The following KIF20B variants were observed in gnomAD, a reference collection of about 807,000 sequenced individuals.
KIF20B encodes the protein kinesin family member 20B.
Under a neutral mutation model 232.5 loss-of-function variants are expected in KIF20B, and 188 were observed. That is an observed-to-expected ratio of 0.81 (90% CI 0.72 to 0.91). KIF20B has a LOEUF of 0.91. KIF20B is among the 40% of genes least tolerant of loss of function. The pLI is 0.00. For missense variants in KIF20B, 2,154 were observed against 2,055.9 expected, an observed-to-expected ratio of 1.05 and a Z score of -0.92; for synonymous variants, 712 against 683.0, an observed-to-expected ratio of 1.04 and a Z score of -0.66.
intron 18 of KIF20B, among the ~76,000 whole-genome samples, chr10:89,731,142 G>A (rs2026553): frequency 0.17 from 25,795 of 152,142 alleles, 2,605 homozygotes; most frequent in Non-Finnish European, 0.23. Context: ...TGGATTTTAA[G>A]TCTGTTCTTT....
In KIF20B at chr10:89,758,881, T is replaced by C. The variant is rs34785987; in HGVS notation, c.4679T>C (p.Ile1560Thr). 0.011 allele frequency: 16,761 copies of C among 1,505,656 alleles called. 748 individuals carry two copies. In the African/African-American group the frequency reaches 0.14, roughly 13 times the overall value. 93.3% of individuals were successfully genotyped at this position (1,505,656 alleles called of 1,614,324 possible). A position where few individuals can be genotyped will look rare whatever the true frequency, so the allele number is the denominator to read the frequency against. Residue 1560 changes from isoleucine to threonine, a missense_variant and splice_region_variant, in exon 27 of 33, where the codon ATA becomes ACA. Physicochemically the swap from Ile to Thr is moderately conservative, Grantham distance 89. Transcript: ENST00000371728. ...AGGATCATATCAGAGACTTCTAAAA[T>C]AGTCAGTAGTCTTTTTTGCTATGCC... ...LKRIISETSK[I>T]ETQIMDIKPK...
At position 89,705,310 on chromosome 10, in the gene KIF20B, A is replaced by G. The variant is rs768060728; in HGVS notation, c.16A>G (p.Asn6Asp). The change falls in exon 2 of 33, where the codon AAT becomes GAT. Residue 6 changes from asparagine to aspartate, a missense_variant. Coordinates refer to ENST00000371728, the MANE Select transcript of KIF20B (RefSeq NM_001284259.2). MESNFNQEGVPRPSYV... is the reference protein window; with the variant it reads MESNFDQEGVPRPSYV... ...TTCTTGCAGAATGGAATCTAATTTT[A>G]ATCAAGAGGGAGTACCTCGACCATC... 1 of 1,613,810 alleles carries G rather than the reference A, an allele frequency of 6.2e-7. No homozygotes were observed. The highest frequency in any genetic ancestry group is 2.2e-5 in the East Asian group (1 of 44,850).
intron 29 of KIF20B, among the ~76,000 whole-genome samples, chr10:89,765,598 A>G (rs757242897): frequency 2.6e-5 from 4 of 152,266 alleles, no homozygotes; most frequent in Non-Finnish European, 2.9e-5. Context: ...AGCCAAAAGA[A>G]CAAAGCTGGA....
intron 3 of KIF20B, 36 bp downstream of exon 3, chr10:89,709,289 C>T (rs1324944158): frequency 1.3e-6 from 2 of 1,587,434 alleles, no homozygotes; most frequent in Non-Finnish European, 8.6e-7. Context: ...TAATATTTTA[C>T]TTTCATTTAA....
chr10:89,713,354 C>A, intron 6 of KIF20B, among the ~76,000 whole-genome samples: 1 of 130,822 alleles, frequency 7.6e-6, no homozygotes, highest in African/African-American at 2.8e-5. Flanking sequence ...GAGCAAGACT[C>A]TCTCAAAAAA....
chr10:89,746,608 C>T (rs543759753), intron 23 of KIF20B, among the ~76,000 whole-genome samples: 1 of 152,146 alleles, frequency 6.6e-6, no homozygotes, highest in Non-Finnish European at 1.5e-5. Flanking sequence ...CCAGGGTGGT[C>T]TTGAAAAATG....
chr10:89,747,432 C>G (rs577650281), intron 23 of KIF20B, among the ~76,000 whole-genome samples: 1 of 152,116 alleles, frequency 6.6e-6, no homozygotes, highest in South Asian at 2.1e-4. Context: ...AAGACACATG[C>G]ACATGTATGT....
chr10:89,739,392 C>T (rs535103147), intron 21 of KIF20B, among the ~76,000 whole-genome samples: 51 of 152,226 alleles, frequency 3.4e-4, no homozygotes, highest in African/African-American at 1.2e-3. Context: ...ACAGATAGTA[C>T]TTAGGAGAAT....
chr10:89,706,161 G>A (rs1842719432), intron 2 of KIF20B, among the ~76,000 whole-genome samples: 1 of 152,130 alleles, frequency 6.6e-6, no homozygotes, highest in African/African-American at 2.4e-5. Flanking sequence ...GCTAACACTT[G>A]ATAATGGAAC....
intron 27 of KIF20B, 118 bp from the exon 28 acceptor site, chr10:89,760,408 T>C: frequency 1.6e-6 from 1 of 644,246 alleles, no homozygotes; most frequent in Non-Finnish European, 2.7e-6. Flanking sequence ...TGTCTTTACT[T>C]AGTAATTTCC....
In KIF20B at chr10:89,715,189, T is replaced by TA; in HGVS notation, c.940+9dup. The TA allele has an allele frequency of 2.0e-6, 3 of 1,524,708 alleles. No homozygotes were observed. The highest frequency in any genetic ancestry group is 2.7e-6 in the Non-Finnish European group (3 of 1,110,766). The allele number at this position is 1,524,708 out of a possible 1,614,324, so 94.4% of individuals were successfully genotyped here. A position where few individuals can be genotyped will look rare whatever the true frequency, so the allele number is the denominator to read the frequency against. ...GGCTATTCTTTTATAAAAGGTATAC[T>TA]AATGAATATTTTTATCTTATTGCTC... On this transcript the variant is annotated splice_region_variant and intron_variant, in intron 8 of 32. Coordinates refer to ENST00000371728, the MANE Select transcript of KIF20B (RefSeq NM_001284259.2).
At chr10:89,722,972 A>G (rs1006223183) in intron 13 of KIF20B, among the ~76,000 whole-genome samples, 1 of 152,198 alleles carries the variant, frequency 6.6e-6, no homozygotes, top group Non-Finnish European at 1.5e-5. Flanking sequence ...TGATTACGGT[A>G]GTTTATGGTA....
rs1424147850 is a variant in KIF20B, at chr10:89,719,414, A to C, written c.1435-5A>C. On this transcript the variant is annotated splice_region_variant and splice_polypyrimidine_tract_variant and intron_variant, in intron 12 of 32. Transcript: ENST00000371728. ...TTTTAAAAGTCACATTGAATATTTT[A>C]ACAGGTTTGTGTCCCAGACACTTTA... 6.5e-7 allele frequency: 1 copy of C among 1,541,592 alleles called. No homozygotes were observed. The highest frequency in any genetic ancestry group is 1.4e-5 in the African/African-American group (1 of 71,868).
At chr10:89,760,475 A>C in intron 27 of KIF20B, 51 bp from the exon 28 acceptor site, 1 of 1,065,234 alleles carries the variant, frequency 9.4e-7, no homozygotes, top group Non-Finnish European at 1.4e-6. Flanking sequence ...GTTTTCTTCA[A>C]TATATTTTCA....
chr10:89,745,840 T>C, intron 22 of KIF20B, 59 bp from the exon 23 acceptor site: 1 of 1,117,012 alleles, frequency 9.0e-7, no homozygotes, highest in Non-Finnish European at 1.4e-6. Flanking sequence ...CAAGATCCAC[T>C]GTTAAATATT....
Position 89,711,060 on chromosome 10 carries a change from G to A in KIF20B, c.590G>A (p.Arg197Lys). Reference protein sequence around the residue: ...LYTKMNLKPHRSREYLRLSSE... With the variant: ...LYTKMNLKPHKSREYLRLSSE... ...ACAAAGATGAACCTTAAACCACATAGATCCAGAGAATACTTAAGGTTATCA... is the reference window on the plus strand; with the variant it reads ...ACAAAGATGAACCTTAAACCACATAAATCCAGAGAATACTTAAGGTTATCA... The change falls in exon 6 of 33, where the codon AGA becomes AAA. Residue 197 changes from arginine (R) to lysine (K), a missense_variant. Coordinates refer to ENST00000371728, the MANE Select transcript of KIF20B (RefSeq NM_001284259.2). 1 of 1,607,706 alleles carries A rather than the reference G, an allele frequency of 6.2e-7. No individual in the cohort carries two copies. Among genetic ancestry groups the A allele is most frequent in the East Asian group, 2.2e-5 (1 of 44,644 alleles).
chr10:89,754,511 T>A lies in KIF20B; in HGVS notation c.4348-7T>A. ...GCGATAATAACTTATACCATTTATA[T>A]ATACAGGAGTCTGAACAGAAATATA... On this transcript the variant is annotated splice_polypyrimidine_tract_variant and splice_region_variant and intron_variant, in intron 25 of 32. Coordinates refer to ENST00000371728, the MANE Select transcript of KIF20B (RefSeq NM_001284259.2). The A allele has an allele frequency of 6.5e-7, 1 of 1,540,376 alleles. No homozygotes were observed. Among genetic ancestry groups the A allele is most frequent in the Non-Finnish European group, 8.8e-7 (1 of 1,142,778 alleles).
chr10:89,709,564 A>T, intron 4 of KIF20B, 103 bp downstream of exon 4: 1 of 721,448 alleles, frequency 1.4e-6, no homozygotes, highest in Non-Finnish European at 2.3e-6. Flanking sequence ...TTTTATGCTT[A>T]TGCAACTTAG....
chr10:89,743,997 C>T (rs1319335537), intron 22 of KIF20B, 70 bp downstream of exon 22: 1 of 1,305,588 alleles, frequency 7.7e-7, no homozygotes, highest in African/African-American at 1.6e-5. Flanking sequence ...CAAAAAGGTA[C>T]AAATTTGTTT....
Sources: gnomAD v4.1 joint callset for allele counts (sites outside exome capture counted in the v4.1 genomes callset) on GRCh38, gnomAD v4.1.1 for gene constraint, MANE v1.5 for transcripts, NCBI Gene and HGNC (gene_info 2026-07-23, HGNC 2026-07-21) for gene names.